The following GFPT1 variants were observed in gnomAD, a reference collection of about 807,000 sequenced individuals.
GFPT1 encodes the protein glutamine--fructose-6-phosphate aminotransferase [isomerizing] 1.
A neutral mutation model predicts 92.0 loss-of-function variants in GFPT1; 40 were observed. The observed-to-expected ratio is 0.43, with a 90% CI of 0.34 to 0.57. The LOEUF (loss-of-function observed/expected upper bound fraction) is 0.57, where lower values mean the gene tolerates loss of function less well. GFPT1 is among the 20% of genes least tolerant of loss of function. The pLI is 0.02. For synonymous variants in GFPT1, 269 were observed against 280.6 expected (o/e 0.96, Z 0.41); for missense variants, 448 against 869.1 (o/e 0.52, Z 6.09).
intron 7 of GFPT1, 134 bp from the exon 8 acceptor site, chr2:69,354,702 G>A: frequency 1.5e-6 from 1 of 681,452 alleles, no homozygotes; most frequent in Non-Finnish European, 2.7e-6. Context: ...ATAAGAACTA[G>A]ATAAAAAGAA....
chr2:69,341,704 C>A (rs1424872906), intron 13 of GFPT1, among the ~76,000 whole-genome samples: 1 of 151,822 alleles, frequency 6.6e-6, no homozygotes, highest in Non-Finnish European at 1.5e-5. Flanking sequence ...AGAATAAAAT[C>A]TGATTTAAAA....
At chr2:69,328,018 GA>G in intron 18 of GFPT1, among the ~76,000 whole-genome samples, 1 of 146,604 alleles carries the variant, frequency 6.8e-6, no homozygotes, top group East Asian at 2.1e-4. Context: ...AAAATTGCCT[GA>G]ACCCAGGAGG....
At chr2:69,342,383 GCA>G in intron 12 of GFPT1, 134 bp from the exon 13 acceptor site, 1 of 683,972 alleles carries the variant, frequency 1.5e-6, no homozygotes. Context: ...CTCTTGGAAA[GCA>G]CAGTTCTCTG....
intron 17 of GFPT1, 88 bp downstream of exon 17, chr2:69,329,209 C>T (rs1326325977): frequency 1.5e-6 from 2 of 1,312,232 alleles, no homozygotes; most frequent in African/African-American, 2.9e-5. Context: ...AAAGTTCTAC[C>T]TATTTCATTC....
At chr2:69,367,908 T>C (rs1558771301) in intron 3 of GFPT1, among the ~76,000 whole-genome samples, 1 of 152,232 alleles carries the variant, frequency 6.6e-6, no homozygotes, top group African/African-American at 2.4e-5. Context: ...CATTTGTAGA[T>C]AATAAATTCA....
At chr2:69,355,271 T>C (rs1671310120) in intron 7 of GFPT1, among the ~76,000 whole-genome samples, 1 of 152,022 alleles carries the variant, frequency 6.6e-6, no homozygotes, top group African/African-American at 2.4e-5. Context: ...AGAGATGGGA[T>C]TTTGTCATGT....
chr2:69,342,836 G>C (rs1408466031), intron 12 of GFPT1, among the ~76,000 whole-genome samples: 1 of 152,148 alleles, frequency 6.6e-6, no homozygotes. Context: ...CTGGTGCCCA[G>C]AAAGGTGCTC....
chr2:69,336,669 C>T (rs1305381506), intron 15 of GFPT1, among the ~76,000 whole-genome samples: 3 of 151,090 alleles, frequency 2.0e-5, no homozygotes, highest in African/African-American at 7.3e-5. Flanking sequence ...GGTGCATCTG[C>T]AGTCCCAGCC....
intron 1 of GFPT1, among the ~76,000 whole-genome samples, chr2:69,375,308 T>C (rs1671844841): frequency 6.6e-6 from 1 of 152,218 alleles, no homozygotes; most frequent in Non-Finnish European, 1.5e-5. Flanking sequence ...ATAAGAAGTT[T>C]AAATTAATTC....
intron 1 of GFPT1, among the ~76,000 whole-genome samples, chr2:69,379,192 T>A (rs1418315943): frequency 2.6e-5 from 4 of 152,214 alleles, no homozygotes; most frequent in African/African-American, 9.6e-5. Flanking sequence ...CAGAGATAAC[T>A]ACTGTTATTC....
intron 15 of GFPT1, 150 bp from the exon 16 acceptor site, chr2:69,329,948 T>C: frequency 2.9e-6 from 2 of 688,842 alleles, no homozygotes; most frequent in Non-Finnish European, 5.4e-6. Flanking sequence ...CCAAGCATGG[T>C]GGCTCATGCC....
At chr2:69,346,405 AT>A (rs1418681812) in intron 11 of GFPT1, among the ~76,000 whole-genome samples, 5 of 151,972 alleles carry the variant, frequency 3.3e-5, no homozygotes, top group African/African-American at 7.3e-5. Context: ...CGCCCGGCTA[AT>A]TTTTTGTATT....
At chr2:69,369,569 A>T (rs1422524047) in intron 3 of GFPT1, among the ~76,000 whole-genome samples, 2 of 152,228 alleles carry the variant, frequency 1.3e-5, no homozygotes, top group Non-Finnish European at 2.9e-5. Context: ...AGATTATATC[A>T]GACCTATTCA....
intron 18 of GFPT1, 77 bp from the exon 19 acceptor site, chr2:69,327,152 A>T (rs1272481113): frequency 4.9e-6 from 6 of 1,227,370 alleles, no homozygotes; most frequent in Non-Finnish European, 7.2e-6. Flanking sequence ...ATGTGCAAAA[A>T]TTGCACTGCA....
chr2:69,353,156 G>A (rs868616634), intron 9 of GFPT1, among the ~76,000 whole-genome samples: 5 of 152,332 alleles, frequency 3.3e-5, no homozygotes, highest in Middle Eastern at 6.8e-3. Context: ...AGCACTTTGG[G>A]AGGCTGAGGC....
chr2:69,378,236 C>T (rs1422048086), intron 1 of GFPT1, among the ~76,000 whole-genome samples: 2 of 152,172 alleles, frequency 1.3e-5, no homozygotes, highest in African/African-American at 4.8e-5. Context: ...GAACTCCTGA[C>T]CTCAGGTGAT....
At chr2:69,372,365 T>C (rs568345684) in intron 2 of GFPT1, among the ~76,000 whole-genome samples, 1 of 148,370 alleles carries the variant, frequency 6.7e-6, no homozygotes, top group East Asian at 2.0e-4. Flanking sequence ...AGGTCAGGAG[T>C]TCAAGACCAG....
chr2:69,354,151 C>T, intron 9 of GFPT1, 108 bp downstream of exon 9: 1 of 675,068 alleles, frequency 1.5e-6, no homozygotes. Flanking sequence ...AAAATAAGCA[C>T]ATTTTTAGAG....
chr2:69,327,739 G>T lies in GFPT1; in HGVS notation c.1893+532C>A, dbSNP rs146311174. ...GTTAACTAAAAGAAGACAGGATGTG[G>T]AGACCAAGACCTCAGTTCTGGTCTT... On this transcript the variant is annotated intron_variant, in intron 18 of 19. Coordinates refer to ENST00000357308, the MANE Select transcript of GFPT1 (RefSeq NM_001244710.2). Among the ~76,000 whole-genome samples, 94 of 152,186 alleles carry T rather than the reference G, an allele frequency of 6.2e-4. 2 individuals carry two copies. The East Asian group carries it at 0.018, about 29-fold the overall frequency.
Sources: gnomAD v4.1 joint callset for allele counts (sites outside exome capture counted in the v4.1 genomes callset) on GRCh38, gnomAD v4.1.1 for gene constraint, MANE v1.5 for transcripts, NCBI Gene and HGNC (gene_info 2026-07-23, HGNC 2026-07-21) for gene names.